REXO5: variants seen among roughly 807,000 people sequenced by gnomAD.
REXO5 encodes RNA exonuclease 5.
REXO5 carries 48 observed loss-of-function variants against 88.5 expected under a neutral mutation model. That is an observed-to-expected ratio of 0.54 (90% CI 0.43 to 0.69). The LOEUF is 0.69. Ranked by LOEUF, REXO5 falls within the 30% of genes least tolerant of loss-of-function variation. The pLI is 0.00. For synonymous variants in REXO5, 311 were observed against 336.5 expected, an observed-to-expected ratio of 0.92 and a Z score of 0.83; for missense variants, 749 against 912.2, an observed-to-expected ratio of 0.82 and a Z score of 2.30.
chr16:20,810,341 C>A (rs1271135766), intron 2 of REXO5, among the ~76,000 whole-genome samples: 1 of 152,132 alleles, frequency 6.6e-6, no homozygotes, highest in African/African-American at 2.4e-5. Flanking sequence ...TGTGAATTCA[C>A]ATCAGTATCT....
intron 4 of REXO5, among the ~76,000 whole-genome samples, chr16:20,815,540 C>T (rs890719360): frequency 1.2e-4 from 11 of 88,360 alleles, no homozygotes; most frequent in Non-Finnish European, 3.1e-4. Context: ...CCCTGGGTCA[C>T]CATTTTTTTT....
chr16:20,822,303 A>T (rs919633875), intron 6 of REXO5, among the ~76,000 whole-genome samples: 1 of 152,198 alleles, frequency 6.6e-6, no homozygotes, highest in Non-Finnish European at 1.5e-5. Context: ...TAACAAATAG[A>T]GCAGGTCTAG....
At chr16:20,842,560 A>C (rs185159506) in intron 15 of REXO5, among the ~76,000 whole-genome samples, 1 of 149,676 alleles carries the variant, frequency 6.7e-6, no homozygotes, top group East Asian at 2.0e-4. Flanking sequence ...CTACAGCCTC[A>C]ACCTCCTGGG....
chr16:20,819,765 A>G (rs2081140824), intron 5 of REXO5, among the ~76,000 whole-genome samples: 1 of 151,626 alleles, frequency 6.6e-6, no homozygotes, highest in Non-Finnish European at 1.5e-5. Flanking sequence ...CCAAAAAAAA[A>G]AAAAAATTTA....
intron 19 of REXO5, among the ~76,000 whole-genome samples, chr16:20,847,281 A>T (rs1186848367): frequency 1.3e-5 from 2 of 151,900 alleles, no homozygotes; most frequent in Non-Finnish European, 2.9e-5. Context: ...AACAAAAAAA[A>T]AAAACCCAGC....
chr16:20,848,741 T>C (rs2081648858), intron 19 of REXO5, among the ~76,000 whole-genome samples: 1 of 152,240 alleles, frequency 6.6e-6, no homozygotes, highest in South Asian at 2.1e-4. Flanking sequence ...TGAAGGCTCC[T>C]AAATTCCAAG....
At chr16:20,838,032 G>T (rs944958957) in intron 13 of REXO5, among the ~76,000 whole-genome samples, 2 of 152,072 alleles carry the variant, frequency 1.3e-5, no homozygotes, top group Non-Finnish European at 2.9e-5. Flanking sequence ...TTCCCAAAGT[G>T]CCAGGATCAC....
chr16:20,832,264 T>C lies in REXO5; in HGVS notation c.1262+5T>C, dbSNP rs1468580049. ...ACTTCAGCACCCAAACACAAGGTAA[T>C]ATTTTCAGTTTGAAACAAGAGCAAA... On this transcript the variant is annotated splice_donor_5th_base_variant and intron_variant, in intron 12 of 19. Coordinates refer to ENST00000261377, the MANE Select transcript of REXO5 (RefSeq NM_030941.3). 3.2e-6 allele frequency: 5 copies of C among 1,583,376 alleles called. No individual in the cohort carries two copies. The highest frequency in any genetic ancestry group is 4.3e-6 in the Non-Finnish European group (5 of 1,157,616).
chr16:20,807,051 A>T lies in REXO5; in HGVS notation c.98A>T (p.Lys33Ile). The T allele has an allele frequency of 6.2e-7, 1 of 1,605,036 alleles. No individual in the cohort carries two copies. Among genetic ancestry groups the T allele is most frequent in the South Asian group, 1.1e-5 (1 of 88,782 alleles). Residue 33 changes from lysine to isoleucine, a missense_variant, in exon 2 of 20, where the codon AAA becomes ATA. Transcript: ENST00000261377. ...CTGGTCGGGGCAGCTGAGGCGATGA[A>T]AGCCGGTTGGGATCTCGAGGAGAGT... Reference protein sequence around the residue: ...NKLVGAAEAMKAGWDLEESQP... With the variant: ...NKLVGAAEAMIAGWDLEESQP...
chr16:20,832,889 T>G, intron 12 of REXO5, 114 bp from the exon 13 acceptor site: 1 of 906,788 alleles, frequency 1.1e-6, no homozygotes, highest in Non-Finnish European at 1.6e-6. Context: ...AATTTTAATT[T>G]TAATAGCTAT....
chr16:20,828,430 T>C lies in REXO5; in HGVS notation c.1056-5T>C, dbSNP rs761556244. On this transcript the variant is annotated splice_polypyrimidine_tract_variant and splice_region_variant and intron_variant, in intron 10 of 19. Transcript: ENST00000261377. ...CAGTATGTCAATTTTATATTGACTT[T>C]CCAGGAAGGATATACAGTGTCCAGA... 1.3e-6 allele frequency: 2 copies of C among 1,599,990 alleles called. No homozygotes were observed. The highest frequency in any genetic ancestry group is 1.3e-5 in the African/African-American group (1 of 74,770).
rs2080891510 is a variant in REXO5 at position 20,806,990 on chromosome 16, A to G, written c.37A>G (p.Arg13Gly). 6.2e-7 allele frequency: 1 copy of G among 1,600,172 alleles called. No homozygotes were observed. The highest frequency in any genetic ancestry group is 2.3e-5 in the East Asian group (1 of 44,432). ...PEREGTERHP[R>G]KVRESRQAPN... Reference sequence around the variant, plus strand: ...GAGGGAAGGGACCGAGAGACACCCCAGGAAGGTCAGGGAAAGCAGGCAGGC... The same window carrying G: ...GAGGGAAGGGACCGAGAGACACCCCGGGAAGGTCAGGGAAAGCAGGCAGGC... Residue 13 changes from arginine to glycine, a missense_variant, in exon 2 of 20, where the codon AGG (arginine) becomes GGG (glycine). Transcript: ENST00000261377.
chr16:20,807,182 C>G, intron 2 of REXO5, 91 bp downstream of exon 2: 1 of 1,460,184 alleles, frequency 6.8e-7, no homozygotes, highest in Non-Finnish European at 9.2e-7. Flanking sequence ...TGGATTCGGG[C>G]GGGCTCTCCG....
intron 16 of REXO5, 77 bp downstream of exon 16, chr16:20,844,103 T>C (rs1596614613): frequency 2.4e-6 from 2 of 847,060 alleles, no homozygotes; most frequent in Non-Finnish European, 3.9e-6. Context: ...CCAGGACATA[T>C]AGGAAACACT....
At chr16:20,841,406 C>T (rs1412017840) in intron 15 of REXO5, among the ~76,000 whole-genome samples, 1 of 151,942 alleles carries the variant, frequency 6.6e-6, no homozygotes, top group Non-Finnish European at 1.5e-5. Context: ...ACAATGGAGG[C>T]CTCTAGGGGG....
At chr16:20,847,831 A>G (rs1247749711) in intron 19 of REXO5, among the ~76,000 whole-genome samples, 2 of 152,202 alleles carry the variant, frequency 1.3e-5, no homozygotes, top group Non-Finnish European at 2.9e-5. Flanking sequence ...CTGGGTTTTC[A>G]TGTTCTCACG....
chr16:20,808,844 C>G (rs530982205), intron 2 of REXO5: 1 of 151,628 alleles, frequency 6.6e-6, no homozygotes, highest in Non-Finnish European at 1.5e-5. Context: ...CTTAAGCGAT[C>G]TGTCCACCTT....
At chr16:20,819,936 T>C (rs2081143405) in intron 5 of REXO5, among the ~76,000 whole-genome samples, 2 of 152,128 alleles carry the variant, frequency 1.3e-5, no homozygotes, top group Non-Finnish European at 2.9e-5. Context: ...TTTTTGTTTT[T>C]GTAGAGACTG....
chr16:20,807,208 A>C, intron 2 of REXO5, 117 bp downstream of exon 2: 1 of 1,157,542 alleles, frequency 8.6e-7, no homozygotes, highest in Non-Finnish European at 1.2e-6. Flanking sequence ...GCCTCTCCGA[A>C]CCTGATCCCT....
Sources: allele counts gnomAD v4.1 joint callset (sites outside exome capture counted in the v4.1 genomes callset), GRCh38; gene constraint gnomAD v4.1.1; transcripts MANE v1.5; gene names NCBI Gene and HGNC (gene_info 2026-07-23, HGNC 2026-07-21).